NFIB: variants seen among roughly 807,000 people sequenced by gnomAD.
NFIB encodes the protein nuclear factor I B, also known as nuclear factor 1 B-type.
In NFIB, 11 loss-of-function variants were observed where a neutral mutation model predicts 61.5. The ratio of observed to expected loss-of-function variants is 0.18; its 90% confidence interval spans 0.11 to 0.30. NFIB has a LOEUF of 0.30. Among genes scored for constraint, NFIB ranks in the 10% least tolerant of loss-of-function variants. NFIB has a pLI of 1.00. For missense variants in NFIB, 471 were observed against 608.9 expected (o/e 0.77, Z 2.38); for synonymous variants, 260 against 216.5 (o/e 1.20, Z -1.76).
At chr9:14,467,297 T>C in the NFIB span, among the ~76,000 whole-genome samples, 5 of 152,190 alleles carry the variant, frequency 3.3e-5, no homozygotes, top group African/African-American at 1.2e-4. Flanking sequence ...CACTGAGAGC[T>C]GTTCCTCTTC....
chr9:14,311,687 A>C (rs1170029360), intron 1 of NFIB, among the ~76,000 whole-genome samples: 1 of 152,230 alleles, frequency 6.6e-6, no homozygotes. Flanking sequence ...GTGACTTTTC[A>C]ATACATATTT....
At chr9:14,423,270 C>T in the NFIB span, among the ~76,000 whole-genome samples, 73 of 152,160 alleles carry the variant, frequency 4.8e-4, no homozygotes, top group Non-Finnish European at 7.6e-4. Flanking sequence ...CATGGGAGCA[C>T]GGAGTGACCA....
intron 2 of NFIB, among the ~76,000 whole-genome samples, chr9:14,294,967 C>G (rs1400674276): frequency 6.6e-6 from 1 of 152,190 alleles, no homozygotes; most frequent in Non-Finnish European, 1.5e-5. Context: ...TCCATGGACA[C>G]AACCAACCAG....
chr9:14,188,111 A>T (rs551596191), intron 2 of NFIB, among the ~76,000 whole-genome samples: 1 of 152,354 alleles, frequency 6.6e-6, no homozygotes, highest in South Asian at 2.1e-4. Flanking sequence ...TACAGAATGC[A>T]AAAACACCGT....
the NFIB span, among the ~76,000 whole-genome samples, chr9:14,410,580 C>T: frequency 6.6e-6 from 1 of 152,084 alleles, no homozygotes; most frequent in African/African-American, 2.4e-5. Flanking sequence ...ATCAGCCTTG[C>T]CTTAGATTGT....
At chr9:14,434,902 C>G in the NFIB span, among the ~76,000 whole-genome samples, 1 of 152,176 alleles carries the variant, frequency 6.6e-6, no homozygotes, top group African/African-American at 2.4e-5. Context: ...CTGGAGCTAG[C>G]TGGCACTGTA....
intron 2 of NFIB, among the ~76,000 whole-genome samples, chr9:14,232,167 T>C (rs925473673): frequency 6.6e-6 from 1 of 152,158 alleles, no homozygotes; most frequent in African/African-American, 2.4e-5. Flanking sequence ...AAGAATGAAA[T>C]GGGTTCATGG....
At chr9:14,457,690 C>T in the NFIB span, among the ~76,000 whole-genome samples, 1 of 151,936 alleles carries the variant, frequency 6.6e-6, no homozygotes, top group East Asian at 1.9e-4. Flanking sequence ...GGGTTATCAC[C>T]ACCGATCCCA....
chr9:14,415,725 T>G, the NFIB span, among the ~76,000 whole-genome samples: 6 of 152,216 alleles, frequency 3.9e-5, no homozygotes, highest in Admixed American at 2.6e-4. Context: ...TCTCTCCATA[T>G]GGACTGTGGA....
At chr9:14,308,287 C>T (rs1291426588) in intron 1 of NFIB, among the ~76,000 whole-genome samples, 1 of 152,064 alleles carries the variant, frequency 6.6e-6, no homozygotes, top group Admixed American at 6.6e-5. Context: ...ATACTTTGAG[C>T]AGTGCATTCT....
intron 2 of NFIB, chr9:14,306,032 A>C: frequency 3.1e-6 from 3 of 954,148 alleles, no homozygotes; most frequent in Non-Finnish European, 4.5e-6. Flanking sequence ...CTTAAGGAAA[A>C]TATATTAAGA....
In NFIB at chr9:14,313,552, A is replaced by T; in HGVS notation, c.-41T>A. On this transcript the variant is annotated 5_prime_UTR_variant, in exon 1 of 11. Transcript: ENST00000380953. This position sits in a 1 kb window ranked among gnomAD's most constrained non-coding sequence, Gnocchi z 4.5. ...CGCACTTTCCGGGAGATGCCCAAGA[A>T]AATCTTCGAGAAGCAAGAATTTCAT... 1 of 1,613,190 alleles carries T rather than the reference A, an allele frequency of 6.2e-7. No individual in the cohort carries two copies.
chr9:14,304,644 T>C (rs28444985), intron 2 of NFIB, among the ~76,000 whole-genome samples: 5,150 of 152,302 alleles, frequency 0.034, 196 homozygotes, highest in African/African-American at 0.099. Context: ...ACATTACATT[T>C]CTCTTTTCTG....
chr9:14,441,708 A>T, the NFIB span, among the ~76,000 whole-genome samples: 2 of 152,060 alleles, frequency 1.3e-5, no homozygotes, highest in Admixed American at 1.3e-4. Context: ...GGCCTCCTCC[A>T]GTGGTGAGTG....
intron 2 of NFIB, 100 bp from the exon 3 acceptor site, chr9:14,179,880 G>T (rs2046572352): frequency 9.2e-7 from 1 of 1,090,316 alleles, no homozygotes. Context: ...GTATAAAAAT[G>T]AAGTTGAGTG....
chr9:14,343,469 G>C (rs1467524048), intron 1 of NFIB, among the ~76,000 whole-genome samples: 1 of 152,080 alleles, frequency 6.6e-6, no homozygotes, highest in Non-Finnish European at 1.5e-5. Flanking sequence ...GCTTCAGAAG[G>C]AGTTGCTATT....
chr9:14,513,634 A>C, the NFIB span, among the ~76,000 whole-genome samples: 1 of 146,962 alleles, frequency 6.8e-6, no homozygotes, highest in Admixed American at 6.9e-5. Context: ...TCTCAAAAAA[A>C]AAAAAGAAAA....
At position 14,087,580 on chromosome 9, in the gene NFIB, CTTTT is replaced by C. The variant is rs201574652; in HGVS notation, c.*725_*728del. 1 of 220,618 alleles carries C rather than the reference CTTTT, an allele frequency of 4.5e-6. No homozygotes were observed. Among genetic ancestry groups the C allele is most frequent in the South Asian group, 1.9e-4 (1 of 5,274 alleles). The allele number at this position is 220,618 out of a possible 1,614,324, so 13.7% of individuals were successfully genotyped here. On this transcript the variant is annotated 3_prime_UTR_variant, in exon 11 of 11. Coordinates refer to ENST00000380953, the MANE Select transcript of NFIB (RefSeq NM_001190737.2). ...GTTTTTTTCCTTTTTTCTTTTTTTC[CTTTT>C]TTTTTCATTTTTTCTTTTTTTAAGA...
chr9:14,294,859 A>C (rs949928871), intron 2 of NFIB, among the ~76,000 whole-genome samples: 3 of 152,142 alleles, frequency 2.0e-5, no homozygotes, highest in Admixed American at 6.6e-5. Context: ...TGTGGATATG[A>C]GCTAATCTCT....
Sources: allele counts gnomAD v4.1 joint callset (sites outside exome capture counted in the v4.1 genomes callset), GRCh38; gene constraint gnomAD v4.1.1; non-coding constraint Gnocchi (gnomAD v3.1); transcripts MANE v1.5; gene names NCBI Gene and HGNC (gene_info 2026-07-23, HGNC 2026-07-21).